The following COL28A1 variants were observed in gnomAD, a reference collection of about 807,000 sequenced individuals.
The protein encoded by COL28A1 is collagen type XXVIII alpha 1 chain.
In COL28A1, 161 loss-of-function variants were observed where a neutral mutation model predicts 150.2. That is an observed-to-expected ratio of 1.07 (90% CI 0.94 to 1.22). The LOEUF is 1.22. COL28A1 is among the 50% of genes most tolerant of loss of function. The probability of loss-of-function intolerance (pLI) is 0.00; values close to 1 mark genes in which losing one functional copy is unlikely to be tolerated. For missense variants in COL28A1, 1,617 were observed against 1,388.3 expected (o/e 1.16, Z -2.62); for synonymous variants, 552 against 469.7 (o/e 1.18, Z -2.26).
rs1427469211 is a variant in COL28A1 at position 7,504,529 on chromosome 7, A to G, written c.1026+1485T>C. 2.6e-5 allele frequency among the ~76,000 whole-genome samples: 4 copies of G among 152,186 alleles called. No homozygotes were observed. In the East Asian group the frequency reaches 7.7e-4, roughly 29 times the overall value. On this transcript the variant is annotated intron_variant, in intron 11 of 34. Transcript: ENST00000399429. ...AAAGAGAGAGAGAAGAAGAAGAAGA[A>G]AAGGAGGAGGAGGAACACCTTTTTA...
At chr7:7,444,011 A>G (rs868764349) in intron 19 of COL28A1, among the ~76,000 whole-genome samples, 5 of 60,496 alleles carry the variant, frequency 8.3e-5, no homozygotes, top group African/African-American at 3.9e-4. Flanking sequence ...TTTTTTTGCT[A>G]CTTTTACTGA....
intron 7 of COL28A1, among the ~76,000 whole-genome samples, chr7:7,516,532 T>TATTA (rs1280995056): frequency 2.0e-5 from 3 of 152,186 alleles, no homozygotes; most frequent in Admixed American, 6.6e-5. Flanking sequence ...CAATAGTGAA[T>TATTA]ATTACATGGC....
At chr7:7,398,779 C>G (rs1486910231) in intron 27 of COL28A1, among the ~76,000 whole-genome samples, 5 of 152,160 alleles carry the variant, frequency 3.3e-5, no homozygotes. Context: ...GTTGACTCTG[C>G]TAGAGACAAG....
intron 14 of COL28A1, among the ~76,000 whole-genome samples, chr7:7,475,764 A>G (rs78040428): frequency 0.024 from 3,583 of 152,300 alleles, 139 homozygotes; most frequent in African/African-American, 0.081. Flanking sequence ...AAGTGCCAAA[A>G]AAATCTCAAA....
rs4557612 is a variant in COL28A1, at chr7:7,473,480, A to G, written c.1302+1121T>C. Among the ~76,000 whole-genome samples the G allele has an allele frequency of 4.0e-3, 608 of 152,320 alleles. 3 individuals carry two copies. Among genetic ancestry groups the G allele is most frequent in the Non-Finnish European group, 5.6e-3 (378 of 68,024 alleles). On this transcript the variant is annotated intron_variant, in intron 15 of 34. Transcript: ENST00000399429. ...TCAGAGAAATGCAAATCAAAACCACAATGTGATACCACCTTACTCCTGCAA... is the reference window on the plus strand; with the variant it reads ...TCAGAGAAATGCAAATCAAAACCACGATGTGATACCACCTTACTCCTGCAA...
intron 25 of COL28A1, among the ~76,000 whole-genome samples, chr7:7,421,418 T>C (rs1197604809): frequency 1.3e-5 from 2 of 152,156 alleles, no homozygotes; most frequent in Admixed American, 6.5e-5. Flanking sequence ...TAAAGAACCA[T>C]TGAATTTTAT....
At position 7,370,879 on chromosome 7, in the gene COL28A1, G is replaced by T. The variant is rs1398541638; in HGVS notation, c.2912C>A (p.Thr971Asn). The T allele has an allele frequency of 7.5e-6, 12 of 1,604,156 alleles. No homozygotes were observed. The highest frequency in any genetic ancestry group is 6.7e-5 in the Admixed American group (4 of 59,546). ...TTTTTGAAACAATTTTTGCTTCAGG[G>T]TGTCTTTTAAAAAAGAAGTAGAAAA... Reference protein sequence around the residue: ...QFDDFFTLQDTLKQKLFQKIC... With the variant: ...QFDDFFTLQDNLKQKLFQKIC... The change falls in exon 33 of 35, where the codon ACC becomes AAC. Residue 971 changes from threonine (T) to asparagine (N), a missense_variant. By Grantham distance (65) the Thr-to-Asn change is moderately conservative (BLOSUM62 0). Coordinates refer to ENST00000399429, the MANE Select transcript of COL28A1 (RefSeq NM_001037763.3).
At chr7:7,495,306 A>G (rs1015303321) in intron 11 of COL28A1, among the ~76,000 whole-genome samples, 2 of 152,178 alleles carry the variant, frequency 1.3e-5, no homozygotes, top group African/African-American at 4.8e-5. Flanking sequence ...GCCACATTTC[A>G]AATGCCCAGT....
In COL28A1 at chr7:7,419,908, C is replaced by T. The variant is rs1246171928; in HGVS notation, c.2044G>A (p.Gly682Ser). 3 of 1,602,360 alleles carry T rather than the reference C, an allele frequency of 1.9e-6. No homozygotes were observed. The highest frequency in any genetic ancestry group is 2.3e-5 in the East Asian group (1 of 44,338). ...RGPPGPSGPR[G>S]VGTQGPKGDT... is the part of the protein sequence containing the mutation. Reference sequence around the variant, plus strand: ...ACCTTTGGCCCTTGGGTTCCTACGCCCCGAGGCCCAGAAGGACCTGGAGGG... The same window carrying T: ...ACCTTTGGCCCTTGGGTTCCTACGCTCCGAGGCCCAGAAGGACCTGGAGGG... Residue 682 changes from glycine to serine, a missense_variant, in exon 26 of 35, where the codon GGC becomes AGC. Transcript: ENST00000399429.
rs535987012 is a variant in COL28A1, at chr7:7,490,758, C to G, written c.1027-112G>C. On this transcript the variant is annotated intron_variant, in intron 11 of 34. Coordinates refer to ENST00000399429, the MANE Select transcript of COL28A1 (RefSeq NM_001037763.3). ...TAGGGGCTTTCAGAGCAACAACAAA[C>G]CTGTACATCGTGCCTGCCCTCAATT... 266 of 541,578 alleles carry G rather than the reference C, an allele frequency of 4.9e-4. 1 individual carries two copies. Among genetic ancestry groups the G allele is most frequent in the African/African-American group, 4.5e-3 (235 of 52,528 alleles). 33.5% of individuals were successfully genotyped at this position (541,578 alleles called of 1,614,324 possible).
intron 13 of COL28A1, among the ~76,000 whole-genome samples, chr7:7,488,700 G>C (rs1779755259): frequency 6.6e-6 from 1 of 152,176 alleles, no homozygotes; most frequent in Non-Finnish European, 1.5e-5. Flanking sequence ...TAGCTTTAGA[G>C]CATACTCATG....
At chr7:7,372,972 C>T in intron 32 of COL28A1, 26 bp downstream of exon 32, 2 of 1,591,924 alleles carry the variant, frequency 1.3e-6, no homozygotes, top group Non-Finnish European at 8.6e-7. Context: ...AAATGCCTTT[C>T]CCCTGGGCCA....
intron 4 of COL28A1, among the ~76,000 whole-genome samples, chr7:7,523,625 T>C (rs1483349185): frequency 6.6e-6 from 1 of 152,198 alleles, no homozygotes; most frequent in African/African-American, 2.4e-5. Context: ...AAAGCTCAGA[T>C]GTTCCAAACT....
chr7:7,394,102 A>T (rs1363896228), intron 27 of COL28A1, among the ~76,000 whole-genome samples: 2 of 152,152 alleles, frequency 1.3e-5, no homozygotes, highest in Non-Finnish European at 2.9e-5. Flanking sequence ...TGGGCTGTGC[A>T]TACTGTGGGA....
At chr7:7,374,038 A>AAAAAAAAAATATATATAT in intron 31 of COL28A1, among the ~76,000 whole-genome samples, 13 of 113,628 alleles carry the variant, frequency 1.1e-4, no homozygotes, top group Middle Eastern at 4.2e-3. Context: ...AAAAAAAAAA[A>AAAAAAAAAATATATATAT]ATATATATAT....
At chr7:7,380,534 G>T in intron 30 of COL28A1, 126 bp downstream of exon 30, 1 of 777,008 alleles carries the variant, frequency 1.3e-6, no homozygotes, top group Non-Finnish European at 2.2e-6. Context: ...GCTGGTAGTA[G>T]TTGATCTCAT....
intron 23 of COL28A1, among the ~76,000 whole-genome samples, chr7:7,432,983 G>T (rs369671897): frequency 6.6e-6 from 1 of 152,082 alleles, no homozygotes; most frequent in Non-Finnish European, 1.5e-5. Context: ...CTATTGTTGC[G>T]TTAAATCTAT....
chr7:7,389,334 C>T (rs1340554051), intron 27 of COL28A1, among the ~76,000 whole-genome samples: 1 of 152,154 alleles, frequency 6.6e-6, no homozygotes, highest in African/African-American at 2.4e-5. Flanking sequence ...TCTGAGGCTT[C>T]TGTTCTGTTC....
intron 11 of COL28A1, among the ~76,000 whole-genome samples, chr7:7,493,373 G>T (rs566690842): frequency 2.0e-5 from 3 of 152,204 alleles, no homozygotes; most frequent in Admixed American, 6.5e-5. Context: ...ACCTTGAAAT[G>T]TATGGATCAG....
Sources: gnomAD v4.1 joint callset for allele counts (sites outside exome capture counted in the v4.1 genomes callset) on GRCh38, gnomAD v4.1.1 for gene constraint, MANE v1.5 for transcripts, NCBI Gene and HGNC (gene_info 2026-07-23, HGNC 2026-07-21) for gene names.